SEMA5B: variants seen among roughly 807,000 people sequenced by gnomAD.
The protein encoded by SEMA5B is semaphorin 5B.
Under a neutral mutation model 135.0 loss-of-function variants are expected in SEMA5B, and 66 were observed. That is an observed-to-expected ratio of 0.49 (90% CI 0.40 to 0.60). SEMA5B has a LOEUF of 0.60. SEMA5B is among the 20% of genes least tolerant of loss of function. SEMA5B has a pLI of 0.00. For synonymous variants in SEMA5B, 690 were observed against 639.5 expected (o/e 1.08, Z -1.19); for missense variants, 1,501 against 1,566.3 (o/e 0.96, Z 0.70).
chr3:122,941,991 T>C (rs1939584266), intron 4 of SEMA5B, among the ~76,000 whole-genome samples: 1 of 152,166 alleles, frequency 6.6e-6, no homozygotes, highest in African/African-American at 2.4e-5. Flanking sequence ...ACAGACTCCC[T>C]CTGGGGGCAC....
intron 1 of SEMA5B, among the ~76,000 whole-genome samples, chr3:122,994,469 C>T (rs555091100): frequency 6.6e-5 from 10 of 152,318 alleles, no homozygotes; most frequent in African/African-American, 2.4e-4. Context: ...GGGGAGGCCC[C>T]TGCTTCTCCT....
chr3:122,922,686 G>A (rs914266480), intron 10 of SEMA5B, among the ~76,000 whole-genome samples: 3 of 152,226 alleles, frequency 2.0e-5, no homozygotes, highest in African/African-American at 7.2e-5. Flanking sequence ...CCAGGGTTGG[G>A]GAAGAGGAGG....
Position 122,915,634 on chromosome 3 carries a change from A to T in SEMA5B, c.1807-13T>A. 6.2e-7 allele frequency: 1 copy of T among 1,607,508 alleles called. No individual in the cohort carries two copies. Among genetic ancestry groups the T allele is most frequent in the Non-Finnish European group, 8.5e-7 (1 of 1,175,204 alleles). Reference sequence around the variant, plus strand: ...TCACATTCCGCACCTGAAGACACACATGGGAGACAGTACCCCTATTACCCA... The same window carrying T: ...TCACATTCCGCACCTGAAGACACACTTGGGAGACAGTACCCCTATTACCCA... On this transcript the variant is annotated splice_polypyrimidine_tract_variant and intron_variant, in intron 13 of 22. Coordinates refer to ENST00000357599, the MANE Select transcript of SEMA5B (RefSeq NM_001031702.4).
At chr3:122,961,851 A>G (rs1940596618) in intron 1 of SEMA5B, among the ~76,000 whole-genome samples, 1 of 152,152 alleles carries the variant, frequency 6.6e-6, no homozygotes, top group South Asian at 2.1e-4. Flanking sequence ...GGCTAAAATC[A>G]AGGCATTAGC....
At chr3:122,961,409 T>C in intron 1 of SEMA5B, 108 bp from the exon 2 acceptor site, 1 of 1,020,174 alleles carries the variant, frequency 9.8e-7, no homozygotes, top group Non-Finnish European at 1.4e-6. Context: ...GTTGCTGCTG[T>C]GTTTGTTTCT....
chr3:122,982,773 G>C (rs532217415), intron 1 of SEMA5B, among the ~76,000 whole-genome samples: 1 of 152,228 alleles, frequency 6.6e-6, no homozygotes, highest in South Asian at 2.1e-4. Flanking sequence ...AAAGCAGGGA[G>C]ACCATTCACT....
chr3:122,913,801 C>T, intron 15 of SEMA5B, 57 bp downstream of exon 15: 2 of 1,566,216 alleles, frequency 1.3e-6, no homozygotes, highest in South Asian at 1.2e-5. Flanking sequence ...GAATCCAGGC[C>T]ACTTTCTGGG....
At chr3:122,944,940 C>G (rs1939717495) in intron 3 of SEMA5B, among the ~76,000 whole-genome samples, 1 of 152,118 alleles carries the variant, frequency 6.6e-6, no homozygotes, top group African/African-American at 2.4e-5. Flanking sequence ...TGTGCTTTCT[C>G]CCCACAGTGC....
At chr3:123,016,919 A>G (rs1942573387) in intron 1 of SEMA5B, among the ~76,000 whole-genome samples, 1 of 122,536 alleles carries the variant, frequency 8.2e-6, no homozygotes. Context: ...TTTGAGACGC[A>G]GTCACTTTGT....
At position 122,912,055 on chromosome 3, in the gene SEMA5B, A is replaced by T. The variant is rs1486205998; in HGVS notation, c.2911T>A (p.Trp971Arg). The change falls in exon 20 of 23, where the codon TGG becomes AGG. Residue 971 changes from tryptophan to arginine, a missense_variant. This residue lies in a region of SEMA5B where 927 missense variants were observed against 881.6 expected (regional missense o/e 1.05). Coordinates refer to ENST00000357599, the MANE Select transcript of SEMA5B (RefSeq NM_001031702.4). ...TCAGTGCACTTACTCCACTCAGACC[A>T]GGGCGACCAGCCTTCTGGGGATTGT... ...TQACPEGWSP[W>R]SEWSKCTDDG... The T allele has an allele frequency of 1.9e-6, 3 of 1,612,178 alleles. No homozygotes were observed. Among genetic ancestry groups the T allele is most frequent in the Non-Finnish European group, 2.5e-6 (3 of 1,178,652 alleles).
chr3:122,940,532 T>C (rs1939510072), intron 4 of SEMA5B, among the ~76,000 whole-genome samples: 1 of 152,208 alleles, frequency 6.6e-6, no homozygotes, highest in Admixed American at 6.5e-5. Flanking sequence ...CCTATTTTGG[T>C]TCCTAAACTT....
At chr3:122,928,090 C>A in intron 7 of SEMA5B, 87 bp from the exon 8 acceptor site, 1 of 967,572 alleles carries the variant, frequency 1.0e-6, no homozygotes, top group African/African-American at 1.7e-5. Context: ...TCCTCCTGTG[C>A]CCCAGTCTCT....
intron 1 of SEMA5B, among the ~76,000 whole-genome samples, chr3:122,989,169 G>T (rs970329103): frequency 3.3e-5 from 5 of 152,220 alleles, no homozygotes; most frequent in Admixed American, 6.5e-5. Flanking sequence ...TGGGAGACTG[G>T]TCTTGGAATC....
intron 1 of SEMA5B, among the ~76,000 whole-genome samples, chr3:122,989,834 G>A (rs1025613278): frequency 3.9e-5 from 6 of 152,168 alleles, no homozygotes; most frequent in Non-Finnish European, 8.8e-5. Context: ...CAGAAAAAGA[G>A]GAGAAGGGTG....
At chr3:123,021,101 C>T (rs1942664415) in intron 1 of SEMA5B, among the ~76,000 whole-genome samples, 2 of 152,320 alleles carry the variant, frequency 1.3e-5, no homozygotes, top group South Asian at 4.1e-4. Flanking sequence ...CTGATGGGAC[C>T]TAGGGTATCC....
chr3:122,991,827 A>T (rs1941886471), intron 1 of SEMA5B, among the ~76,000 whole-genome samples: 1 of 152,202 alleles, frequency 6.6e-6, no homozygotes, highest in Admixed American at 6.5e-5. Context: ...TTGTCGAAAC[A>T]TACTCATGGT....
chr3:123,011,292 C>A (rs966349148), intron 1 of SEMA5B, among the ~76,000 whole-genome samples: 2 of 152,218 alleles, frequency 1.3e-5, no homozygotes, highest in African/African-American at 4.8e-5. Flanking sequence ...ATTAGGGAGC[C>A]TGTGTTTAGA....
intron 4 of SEMA5B, among the ~76,000 whole-genome samples, chr3:122,941,056 G>C (rs922393937): frequency 1.3e-5 from 2 of 152,200 alleles, no homozygotes; most frequent in Non-Finnish European, 2.9e-5. Flanking sequence ...TCTGTAGCCT[G>C]ACCCACCCTA....
rs866732282 is a variant in SEMA5B, at chr3:122,915,521, G to A, written c.1907C>T (p.Ala636Val). ...GGGTCGAGGGGAATCACAGGATCGA[G>A]CTCGACACAGGCAAGAGCCTGAGTT... is the stretch of plus-strand genomic sequence containing the variant. ...GDNSGSCLCRARSCDSPRPRC... is the reference protein window; with the variant it reads ...GDNSGSCLCRVRSCDSPRPRC... Residue 636 changes from alanine to valine, a missense_variant, in exon 14 of 23, where the codon GCT (alanine) becomes GTT (valine). Coordinates refer to ENST00000357599, the MANE Select transcript of SEMA5B (RefSeq NM_001031702.4). 3 of 1,614,064 alleles carry A rather than the reference G, an allele frequency of 1.9e-6. No individual in the cohort carries two copies. The highest frequency in any genetic ancestry group is 2.7e-5 in the African/African-American group (2 of 75,040).
Sources: gnomAD v4.1 joint callset for allele counts (sites outside exome capture counted in the v4.1 genomes callset) on GRCh38, gnomAD v4.1.1 for gene constraint, gnomAD v4.1.1 regional missense constraint, MANE v1.5 for transcripts, NCBI Gene and HGNC (gene_info 2026-07-23, HGNC 2026-07-21) for gene names.